TBKBP1: variants seen among roughly 807,000 people sequenced by gnomAD.
TBKBP1 encodes the protein TANK-binding kinase 1-binding protein 1.
TBKBP1 carries 47 observed loss-of-function variants against 69.9 expected under a neutral mutation model. The observed-to-expected ratio is 0.67, with a 90% CI of 0.53 to 0.86. TBKBP1 has a LOEUF of 0.86. Among genes scored for constraint, TBKBP1 ranks in the 40% least tolerant of loss-of-function variants. The pLI, the probability that TBKBP1 is intolerant of heterozygous loss-of-function variation, is 0.00. For missense variants in TBKBP1, 831 were observed against 858.6 expected, an observed-to-expected ratio of 0.97 and a Z score of 0.40; for synonymous variants, 418 against 390.3, an observed-to-expected ratio of 1.07 and a Z score of -0.84.
intron 5 of TBKBP1, among the ~76,000 whole-genome samples, 167 bp downstream of exon 5, chr17:47,698,942 A>C (rs2031370007): frequency 6.6e-6 from 1 of 151,478 alleles, no homozygotes; most frequent in African/African-American, 2.4e-5. Flanking sequence ...CTGTTACCCT[A>C]ATTTCTCCCC....
In TBKBP1 at chr17:47,710,493, G is replaced by A. The variant is rs200163329; in HGVS notation, c.1720-5G>A. 4.8e-5 allele frequency: 77 copies of A among 1,606,584 alleles called. No homozygotes were observed. Among genetic ancestry groups the A allele is most frequent in the Admixed American group, 3.7e-4 (22 of 59,852 alleles). On this transcript the variant is annotated splice_region_variant and splice_polypyrimidine_tract_variant and intron_variant, in intron 9 of 9. Coordinates refer to ENST00000578982, the MANE Select transcript of TBKBP1 (RefSeq NM_001394755.1). ...ACCATAAGTGACTTCCTTCTCTCTC[G>A]ACAGTTGCTGATGGAGACGGTGGGC...
intron 7 of TBKBP1, among the ~76,000 whole-genome samples, chr17:47,706,624 C>T (rs1408590414): frequency 1.3e-5 from 2 of 152,110 alleles, no homozygotes; most frequent in African/African-American, 4.8e-5. Context: ...AGAGACCTGG[C>T]CCATTTGCAG....
chr17:47,702,050 G>A (rs184597814), intron 7 of TBKBP1, among the ~76,000 whole-genome samples: 4 of 152,356 alleles, frequency 2.6e-5, no homozygotes, highest in African/African-American at 9.6e-5. Context: ...TTTGGCGAGC[G>A]TTAATTCTCA....
At position 47,709,407 on chromosome 17, in the gene TBKBP1, C is replaced by A; in HGVS notation, c.1674C>A (p.Thr558=). ...CCATCCCCGAGTCGCCCGCCGCCACCGCCTACGCCCACGCCGAGCACGCGC... is the reference window on the plus strand; with the variant it reads ...CCATCCCCGAGTCGCCCGCCGCCACAGCCTACGCCCACGCCGAGCACGCGC... ...GFPIPESPAA[T]AYAHAEHAQS... The change falls in exon 9 of 10, where the codon ACC becomes ACA. Residue 558 remains threonine (T), a synonymous_variant. Transcript: ENST00000578982. 6.5e-7 allele frequency: 1 copy of A among 1,539,276 alleles called. No homozygotes were observed. Among genetic ancestry groups the A allele is most frequent in the Non-Finnish European group, 8.7e-7 (1 of 1,150,754 alleles).
intron 7 of TBKBP1, among the ~76,000 whole-genome samples, chr17:47,702,995 A>G (rs80214181): frequency 0.073 from 1,878 of 25,796 alleles, 72 homozygotes; most frequent in African/African-American, 0.33. Context: ...CGGGGGGGGG[A>G]ACTTCTTGAA....
At chr17:47,704,393 G>T (rs1007297781) in intron 7 of TBKBP1, among the ~76,000 whole-genome samples, 2 of 152,230 alleles carry the variant, frequency 1.3e-5, no homozygotes, top group African/African-American at 4.8e-5. Context: ...CCTCAAGTCC[G>T]TTCCACGGCC....
chr17:47,696,151 G>A lies in TBKBP1; in HGVS notation c.39G>A (p.Thr13=), dbSNP rs762201898. 3.1e-6 allele frequency: 5 copies of A among 1,613,130 alleles called. No individual in the cohort carries two copies. Among genetic ancestry groups the A allele is most frequent in the Non-Finnish European group, 4.2e-6 (5 of 1,179,636 alleles). ...TCGAGGACGACATCAGCATCCTGAC[G>A]CAGGAGGCCCTGGGGCCTAGTGAGG... ...SMFEDDISIL[T]QEALGPSEVW... The change falls in exon 2 of 10, where the codon ACG becomes ACA. Residue 13 remains threonine (T), a synonymous_variant. Transcript: ENST00000578982.
chr17:47,700,534 G>T (rs2031461117), intron 7 of TBKBP1, among the ~76,000 whole-genome samples: 1 of 151,736 alleles, frequency 6.6e-6, no homozygotes, highest in Non-Finnish European at 1.5e-5. Context: ...TTGGGCCTCC[G>T]TAGGGCCCCA....
chr17:47,709,452 C>A lies in TBKBP1; in HGVS notation c.1719C>A (p.Asn573Lys). 3 of 1,521,518 alleles carry A rather than the reference C, an allele frequency of 2.0e-6. No homozygotes were observed. Among genetic ancestry groups the A allele is most frequent in the East Asian group, 2.5e-5 (1 of 39,462 alleles). The allele number at this position is 1,521,518 out of a possible 1,614,324, so 94.3% of individuals were successfully genotyped here. A position where few individuals can be genotyped will look rare whatever the true frequency, so the allele number is the denominator to read the frequency against. Residue 573 changes from asparagine to lysine, a missense_variant and splice_region_variant, in exon 9 of 10, where the codon AAC (asparagine) becomes AAA (lysine). Transcript: ENST00000578982. ...AEHAQSWPSI[N>K]LLMETVGSDI... Reference sequence around the variant, plus strand: ...ACGCGCAGTCCTGGCCGTCCATCAACGTGAGTGGGGCGCCCGCGTTCCGCC... The same window carrying A: ...ACGCGCAGTCCTGGCCGTCCATCAAAGTGAGTGGGGCGCCCGCGTTCCGCC...
intron 1 of TBKBP1, among the ~76,000 whole-genome samples, chr17:47,694,402 C>T (rs2031117238): frequency 6.6e-6 from 1 of 151,966 alleles, no homozygotes; most frequent in Non-Finnish European, 1.5e-5. Context: ...CTCCCGGAGC[C>T]CCTTCCCCGG....
Position 47,710,695 on chromosome 17 carries a change from C to A in TBKBP1, c.*69C>A, listed in dbSNP as rs2031895567. The stretch of plus-strand genomic sequence containing the variant: ...CACCCCCAAACACTCACTTTGAATG[C>A]TGCATGAATCTCGTGGGGGGTCCCT... On this transcript the variant is annotated 3_prime_UTR_variant, in exon 10 of 10. Coordinates refer to ENST00000578982, the MANE Select transcript of TBKBP1 (RefSeq NM_001394755.1). 6.5e-7 allele frequency: 1 copy of A among 1,546,786 alleles called. No homozygotes were observed.
chr17:47,700,149 G>A (rs1338542452), intron 7 of TBKBP1, among the ~76,000 whole-genome samples: 1 of 151,636 alleles, frequency 6.6e-6, no homozygotes, highest in East Asian at 1.9e-4. Context: ...ACTACGCCTG[G>A]CTAATTTTTT....
intron 5 of TBKBP1, 58 bp from the exon 6 acceptor site, chr17:47,699,262 G>A: frequency 6.9e-7 from 1 of 1,444,390 alleles, no homozygotes; most frequent in Non-Finnish European, 9.1e-7. Flanking sequence ...TTTCACTCTG[G>A]CTCTGGGAGC....
At position 47,710,641 on chromosome 17, in the gene TBKBP1, C is replaced by T. The variant is rs375446412; in HGVS notation, c.*15C>T. 1.3e-6 allele frequency: 2 copies of T among 1,589,882 alleles called. No homozygotes were observed. The highest frequency in any genetic ancestry group is 2.3e-5 in the East Asian group (1 of 44,096). On this transcript the variant is annotated 3_prime_UTR_variant, in exon 10 of 10. Transcript: ENST00000578982. ...GCAAGATCTAGGGCACCAGCCCCACCCACTGGCTGTTTCTCCGTCCTCTCC... is the reference window on the plus strand; with the variant it reads ...GCAAGATCTAGGGCACCAGCCCCACTCACTGGCTGTTTCTCCGTCCTCTCC...
intron 1 of TBKBP1, among the ~76,000 whole-genome samples, chr17:47,694,835 C>CA (rs1227313085): frequency 7.0e-6 from 1 of 143,490 alleles, no homozygotes; most frequent in Admixed American, 7.5e-5. Context: ...ACTCCTTACT[C>CA]AGACCCAGTC....
At chr17:47,707,848 T>A (rs987675564) in intron 7 of TBKBP1, among the ~76,000 whole-genome samples, 6 of 152,226 alleles carry the variant, frequency 3.9e-5, no homozygotes, top group Non-Finnish European at 8.8e-5. Flanking sequence ...AACGAGCTAT[T>A]CTATGCAGCA....
At chr17:47,710,365 G>C (rs2031880524) in intron 9 of TBKBP1, 133 bp from the exon 10 acceptor site, 1 of 1,242,848 alleles carries the variant, frequency 8.0e-7, no homozygotes, top group South Asian at 1.5e-5. Flanking sequence ...GGACGGTGCT[G>C]AAGAAAGGGT....
chr17:47,702,439 C>T (rs74896240), intron 7 of TBKBP1, among the ~76,000 whole-genome samples: 1 of 152,192 alleles, frequency 6.6e-6, no homozygotes, highest in East Asian at 1.9e-4. Flanking sequence ...TGTATGCCCA[C>T]CTGTCTTGGT....
At chr17:47,701,461 C>T (rs1333143514) in intron 7 of TBKBP1, among the ~76,000 whole-genome samples, 1 of 152,220 alleles carries the variant, frequency 6.6e-6, no homozygotes, top group Non-Finnish European at 1.5e-5. Flanking sequence ...TCACTGAACC[C>T]AGTCCCCTCT....
Sources: allele counts gnomAD v4.1 joint callset (sites outside exome capture counted in the v4.1 genomes callset), GRCh38; gene constraint gnomAD v4.1.1; transcripts MANE v1.5; gene names NCBI Gene and HGNC (gene_info 2026-07-23, HGNC 2026-07-21).